Variants in R3HCC1L observed in about 807,000 individuals in gnomAD.
R3HCC1L encodes coiled-coil domain-containing protein R3HCC1L.
A neutral mutation model predicts 59.9 loss-of-function variants in R3HCC1L; 51 were observed. The ratio of observed to expected loss-of-function variants is 0.85; its 90% CI spans 0.68 to 1.07. R3HCC1L has a LOEUF of 1.07. Among genes scored for constraint, R3HCC1L ranks in the 50% least tolerant of loss-of-function variants. R3HCC1L has a pLI of 0.00. For synonymous variants in R3HCC1L, 322 were observed against 315.2 expected, an observed-to-expected ratio of 1.02 and a Z score of -0.23; for missense variants, 965 against 933.0, an observed-to-expected ratio of 1.03 and a Z score of -0.45.
At chr10:98,183,777 C>T (rs946076040) in intron 4 of R3HCC1L, among the ~76,000 whole-genome samples, 5 of 152,006 alleles carry the variant, frequency 3.3e-5, no homozygotes, top group Non-Finnish European at 5.9e-5. Context: ...CTAGCATTTC[C>T]GTTTGATTTC....
chr10:98,219,285 G>C (rs1231248621), intron 5 of R3HCC1L, among the ~76,000 whole-genome samples: 2 of 152,084 alleles, frequency 1.3e-5, no homozygotes, highest in Non-Finnish European at 2.9e-5. Context: ...TTTAGTTTCT[G>C]TTTGTGTGGA....
rs1847622302 is a variant in R3HCC1L, at chr10:98,163,272, CT to C, written c.-119-19del. 4.1e-6 allele frequency: 2 copies of C among 488,252 alleles called. No individual in the cohort carries two copies. The highest frequency in any genetic ancestry group is 7.0e-6 in the Non-Finnish European group (2 of 287,532). 30.2% of individuals were successfully genotyped at this position (488,252 alleles called of 1,614,324 possible). On this transcript the variant is annotated intron_variant, in intron 3 of 9. Coordinates refer to ENST00000298999, the MANE Select transcript of R3HCC1L (RefSeq NM_001351015.2). Reference sequence around the variant, plus strand: ...TAACTGTGTATTTTTATAAAAATAACTTATTATTACTATTTTTCAGGTGAGG... The same window carrying C: ...TAACTGTGTATTTTTATAAAAATAACTATTATTACTATTTTTCAGGTGAGG...
At chr10:98,135,219 G>GA (rs974233411) in intron 1 of R3HCC1L, among the ~76,000 whole-genome samples, 27 of 152,276 alleles carry the variant, frequency 1.8e-4, no homozygotes, top group African/African-American at 6.0e-4. Context: ...GCAGGCCTGC[G>GA]AAAAACCCCA....
In R3HCC1L at chr10:98,170,457, A is replaced by C. The variant is rs552330031; in HGVS notation, c.-15+7060A>C. 2.2e-4 allele frequency among the ~76,000 whole-genome samples: 33 copies of C among 152,214 alleles called. 1 individual carries two copies. Among genetic ancestry groups the C allele is most frequent in the Middle Eastern group, 6.8e-3 (2 of 294 alleles). ...CTCAGCCTTCCAAGTAGTGAGGGTT[A>C]CAGGTATGTGCTACCGTTCCCAGCT... On this transcript the variant is annotated intron_variant, in intron 4 of 9. Transcript: ENST00000298999.
chr10:98,136,075 A>T (rs1407980957), intron 1 of R3HCC1L, among the ~76,000 whole-genome samples: 3 of 149,628 alleles, frequency 2.0e-5, no homozygotes, highest in Non-Finnish European at 3.0e-5. Flanking sequence ...GATTGGTCTA[A>T]CTCCTGGGCT....
At chr10:98,235,997 C>G in intron 8 of R3HCC1L, 27 bp from the exon 9 acceptor site, 1 of 1,605,888 alleles carries the variant, frequency 6.2e-7, no homozygotes. Context: ...TTGACTCCTT[C>G]CTACTCCCTT....
intron 1 of R3HCC1L, among the ~76,000 whole-genome samples, chr10:98,137,288 G>A (rs1450082366): frequency 6.6e-6 from 1 of 152,032 alleles, no homozygotes; most frequent in African/African-American, 2.4e-5. Context: ...TTTTGATTTT[G>A]GGCAAATTAG....
intron 4 of R3HCC1L, among the ~76,000 whole-genome samples, chr10:98,197,783 AGT>A (rs1036189863): frequency 3.9e-5 from 6 of 152,170 alleles, no homozygotes; most frequent in Non-Finnish European, 8.8e-5. Flanking sequence ...CTTTAATGAA[AGT>A]GTATGTATGT....
intron 5 of R3HCC1L, among the ~76,000 whole-genome samples, chr10:98,219,186 A>G (rs1002501764): frequency 3.3e-5 from 5 of 152,224 alleles, no homozygotes; most frequent in African/African-American, 9.6e-5. Context: ...TGTTGGGATT[A>G]CAGGTGTGAG....
chr10:98,169,500 ATTC>A (rs1848303076), intron 4 of R3HCC1L, among the ~76,000 whole-genome samples: 1 of 152,208 alleles, frequency 6.6e-6, no homozygotes. Context: ...GTAGCTGATT[ATTC>A]TTCTTTCTCT....
At position 98,175,014 on chromosome 10, in the gene R3HCC1L, A is replaced by G. The variant is rs554443705; in HGVS notation, c.-15+11617A>G. ...GTGCAAAGGATTGTGTAGTTCGGTT[A>G]TATATGGAAGAGATGATAGAGTTGA... On this transcript the variant is annotated intron_variant, in intron 4 of 9. Coordinates refer to ENST00000298999, the MANE Select transcript of R3HCC1L (RefSeq NM_001351015.2). Among the ~76,000 whole-genome samples, 17 of 152,178 alleles carry G rather than the reference A, an allele frequency of 1.1e-4. No individual in the cohort carries two copies. The East Asian group carries it at 3.1e-3, about 28-fold the overall frequency.
intron 4 of R3HCC1L, among the ~76,000 whole-genome samples, chr10:98,199,753 C>T (rs1042531787): frequency 9.2e-5 from 14 of 151,948 alleles, no homozygotes; most frequent in African/African-American, 3.4e-4. Flanking sequence ...TTGTTAGGGA[C>T]AGTATTCAGA....
rs952954410 is a variant in R3HCC1L at position 98,234,491 on chromosome 10, A to G, written c.2007A>G (p.Leu669=). The change falls in exon 7 of 10, where the codon CTA becomes CTG. Residue 669 remains leucine, a synonymous_variant. Coordinates refer to ENST00000298999, the MANE Select transcript of R3HCC1L (RefSeq NM_001351015.2). The part of the protein sequence containing the change: ...DIKWVDDTHA[L]GVFSSPITAR... ...AATGGGTGGATGATACACATGCCCT[A>G]GGAGTATTCTCCAGTCCAATTACAG... The G allele has an allele frequency of 1.9e-6, 3 of 1,613,416 alleles. No homozygotes were observed. Among genetic ancestry groups the G allele is most frequent in the African/African-American group, 2.7e-5 (2 of 74,916 alleles).
intron 2 of R3HCC1L, among the ~76,000 whole-genome samples, chr10:98,162,631 A>G (rs1023718213): frequency 6.6e-6 from 1 of 151,896 alleles, no homozygotes; most frequent in African/African-American, 2.4e-5. Flanking sequence ...TTAAAACTGT[A>G]GTGATGACTA....
At chr10:98,187,643 T>C (rs1225690244) in intron 4 of R3HCC1L, among the ~76,000 whole-genome samples, 6 of 151,918 alleles carry the variant, frequency 3.9e-5, no homozygotes, top group African/African-American at 1.5e-4. Flanking sequence ...TATAAATAGA[T>C]ATGTATCATA....
At chr10:98,154,691 G>A (rs1175757442) in intron 1 of R3HCC1L, among the ~76,000 whole-genome samples, 2 of 152,202 alleles carry the variant, frequency 1.3e-5, no homozygotes, top group African/African-American at 2.4e-5. Flanking sequence ...AGCAGGAACA[G>A]TGAGAATAAT....
At chr10:98,205,515 C>T (rs1300368623) in intron 4 of R3HCC1L, among the ~76,000 whole-genome samples, 1 of 152,156 alleles carries the variant, frequency 6.6e-6, no homozygotes, top group African/African-American at 2.4e-5. Context: ...ATGATTACTT[C>T]AGCTAAGAAG....
At chr10:98,230,022 G>A (rs1856172432) in intron 5 of R3HCC1L, among the ~76,000 whole-genome samples, 1 of 148,184 alleles carries the variant, frequency 6.7e-6, no homozygotes. Flanking sequence ...TGTTCATCAG[G>A]GATATTGGTC....
Position 98,162,703 on chromosome 10 carries a change from T to C in R3HCC1L, c.-212-180T>C, listed in dbSNP as rs3763687. ...GTGTGTGTGTGTGTGTGTCTCTGTGTGTGTGTGTGTTTGAGATAGGATCTC... is the reference window on the plus strand; with the variant it reads ...GTGTGTGTGTGTGTGTGTCTCTGTGCGTGTGTGTGTTTGAGATAGGATCTC... On this transcript the variant is annotated intron_variant, in intron 2 of 9. Coordinates refer to ENST00000298999, the MANE Select transcript of R3HCC1L (RefSeq NM_001351015.2). Among the ~76,000 whole-genome samples, 587 of 152,170 alleles carry C rather than the reference T, an allele frequency of 3.9e-3. 11 individuals are homozygous for C. Among genetic ancestry groups the C allele is most frequent in the Admixed American group, 0.026 (394 of 15,288 alleles).
Sources: gnomAD v4.1 joint callset for allele counts (sites outside exome capture counted in the v4.1 genomes callset) on GRCh38, gnomAD v4.1.1 for gene constraint, MANE v1.5 for transcripts, NCBI Gene and HGNC (gene_info 2026-07-23, HGNC 2026-07-21) for gene names.